ACADM: variants seen among roughly 807,000 people sequenced by gnomAD.
ACADM encodes the protein medium-chain specific acyl-CoA dehydrogenase, mitochondrial.
ACADM carries 49 observed loss-of-function variants against 58.9 expected under a neutral mutation model. The observed-to-expected ratio is 0.83, with a 90% CI of 0.66 to 1.06. The LOEUF is 1.06. ACADM is among the 50% of genes least tolerant of loss of function. The pLI, the probability that ACADM is intolerant of heterozygous loss-of-function variation, is 0.00. For missense variants in ACADM, 496 were observed against 507.0 expected, an observed-to-expected ratio of 0.98 and a Z score of 0.21; for synonymous variants, 160 against 157.7, an observed-to-expected ratio of 1.01 and a Z score of -0.11.
chr1:75,725,264 C>A (rs994905023), intron 1 of ACADM, among the ~76,000 whole-genome samples: 9 of 63,832 alleles, frequency 1.4e-4, no homozygotes, highest in Non-Finnish European at 2.3e-4. Context: ...AAAAAAAAAA[C>A]CTGCAGAATT....
At chr1:75,744,216 G>A in intron 7 of ACADM, 1 of 1,573,124 alleles carries the variant, frequency 6.4e-7, no homozygotes, top group Non-Finnish European at 8.8e-7. Context: ...GAGGGCGAGG[G>A]CACTGGTGGC....
intron 6 of ACADM, among the ~76,000 whole-genome samples, chr1:75,739,168 G>T (rs756747235): frequency 6.6e-6 from 1 of 151,892 alleles, no homozygotes; most frequent in Non-Finnish European, 1.5e-5. Context: ...TTCCCTCCTC[G>T]CAAAGAAGCC....
chr1:75,749,900 A>T (rs1051387295), intron 9 of ACADM, among the ~76,000 whole-genome samples: 1 of 151,708 alleles, frequency 6.6e-6, no homozygotes, highest in Admixed American at 6.6e-5. Flanking sequence ...TTTAGTAGAG[A>T]TGGGGTTTCA....
intron 5 of ACADM, among the ~76,000 whole-genome samples, chr1:75,734,160 ATTTTTTTTT>A (rs1160368175): frequency 1.2e-5 from 1 of 84,236 alleles, no homozygotes; most frequent in Non-Finnish European, 2.3e-5. Flanking sequence ...TAATTTTTGT[ATTTTTTTTT>A]TTTTTTTTTT....
At chr1:75,746,414 C>G (rs532518096) in intron 8 of ACADM, among the ~76,000 whole-genome samples, 7 of 151,982 alleles carry the variant, frequency 4.6e-5, no homozygotes, top group Non-Finnish European at 7.4e-5. Context: ...TATGGAAAGG[C>G]AAGAAAATCT....
At chr1:75,729,865 A>G (rs1055407144) in intron 2 of ACADM, among the ~76,000 whole-genome samples, 5 of 143,506 alleles carry the variant, frequency 3.5e-5, no homozygotes, top group South Asian at 2.3e-4. Flanking sequence ...CACTGTGAGG[A>G]TAGCCATTTG....
chr1:75,734,227 G>A (rs1359710606), intron 5 of ACADM, among the ~76,000 whole-genome samples: 2 of 146,662 alleles, frequency 1.4e-5, no homozygotes, highest in Non-Finnish European at 3.0e-5. Flanking sequence ...GCAGTGGCGC[G>A]ATCTCAGCTC....
intron 1 of ACADM, 100 bp from the exon 2 acceptor site, chr1:75,728,300 TG>T: frequency 1.2e-6 from 1 of 862,588 alleles, no homozygotes; most frequent in Non-Finnish European, 1.8e-6. Flanking sequence ...ACTATGAGTA[TG>T]GTCAAACCAG....
rs150710061 is a variant in ACADM, at chr1:75,761,267, T to C, written c.1091T>C (p.Ile364Thr). Residue 364 changes from isoleucine (I) to threonine (T), a missense_variant, in exon 11 of 12, where the codon ATT (isoleucine) becomes ACT (threonine). Ile to Thr is a moderately conservative substitution (Grantham distance 89). Transcript: ENST00000370841. ...ASIAKAFAGD[I>T]ANQLATDAVQ... Reference sequence around the variant, plus strand: ...ATTGCAAAGGCATTTGCTGGAGATATTGCAAATCAGTTAGCTACTGATGCT... The same window carrying C: ...ATTGCAAAGGCATTTGCTGGAGATACTGCAAATCAGTTAGCTACTGATGCT... 4.3e-4 allele frequency: 697 copies of C among 1,614,006 alleles called. 4 individuals are homozygous for C. The highest frequency in any genetic ancestry group is 2.5e-3 in the Middle Eastern group (15 of 6,084).
Position 75,762,258 on chromosome 1 carries a change from A to G in ACADM, c.1195-434A>G, listed in dbSNP as rs969459811. Among the ~76,000 whole-genome samples the G allele has an allele frequency of 7.9e-5, 12 of 151,926 alleles. No homozygotes were observed. The East Asian group carries it at 1.3e-3, about 17-fold the overall frequency. On this transcript the variant is annotated intron_variant, in intron 11 of 11. Transcript: ENST00000370841. ...GTCTGACTCTTGAAATCCTTCCAGC[A>G]TCTTTTTCTTTAGCAACTCTGTTCC...
chr1:75,734,745 TCCAA>T, intron 5 of ACADM, 42 bp from the exon 6 acceptor site: 8 of 1,402,870 alleles, frequency 5.7e-6, no homozygotes, highest in Non-Finnish European at 8.1e-6. Context: ...AATTTACATA[TCCAA>T]TAAAAATGAC....
chr1:75,760,128 GAA>G (rs1238284810), intron 10 of ACADM, among the ~76,000 whole-genome samples: 1 of 150,076 alleles, frequency 6.7e-6, no homozygotes, highest in Non-Finnish European at 1.5e-5. Flanking sequence ...TATTTAAAAA[GAA>G]AAAAAAGAGG....
At chr1:75,735,321 A>AAC (rs1647226649) in intron 6 of ACADM, among the ~76,000 whole-genome samples, 1 of 75,392 alleles carries the variant, frequency 1.3e-5, no homozygotes, top group South Asian at 3.3e-4. Context: ...CCCTGTCTCA[A>AAC]AAAAAAAAAA....
chr1:75,734,549 C>T, intron 5 of ACADM: 1 of 470,488 alleles, frequency 2.1e-6, no homozygotes, highest in Non-Finnish European at 3.9e-6. Flanking sequence ...TAGTGCATTT[C>T]ACTATAGTAG....
Position 75,732,659 on chromosome 1 carries a change from A to AGAAAGAATTTCAAGCTACTGCTC in ACADM, c.136_158dup (p.Phe55AsnfsTer31). ...TTTCCCTTAGAGTTCACCGAACAGC[A>AGAAAGAATTTCAAGCTACTGCTC]GAAAGAATTTCAAGCTACTGCTCGT... On this transcript the variant is annotated frameshift_variant, in exon 3 of 12. Transcript: ENST00000370841. LOFTEE classifies it high-confidence loss of function. 1 of 1,613,920 alleles carries AGAAAGAATTTCAAGCTACTGCTC rather than the reference A, an allele frequency of 6.2e-7. No individual in the cohort carries two copies. Among genetic ancestry groups the AGAAAGAATTTCAAGCTACTGCTC allele is most frequent in the Non-Finnish European group, 8.5e-7 (1 of 1,179,834 alleles).
intron 2 of ACADM, among the ~76,000 whole-genome samples, 184 bp downstream of exon 2, chr1:75,728,672 A>ACACTG (rs1647094066): frequency 6.6e-6 from 1 of 152,230 alleles, no homozygotes; most frequent in Non-Finnish European, 1.5e-5. Context: ...CTTCCTCAGT[A>ACACTG]TACTACACTG....
chr1:75,745,509 C>A, intron 7 of ACADM: 1 of 281,342 alleles, frequency 3.6e-6, no homozygotes, highest in South Asian at 4.5e-5. Context: ...ATGTAAATGT[C>A]CTCTTTGTCT....
intron 2 of ACADM, among the ~76,000 whole-genome samples, chr1:75,731,268 GACTCCGTCTCAAAAAAAAA>G (rs1224141839): frequency 9.4e-6 from 1 of 106,160 alleles, no homozygotes; most frequent in Non-Finnish European, 1.7e-5. Flanking sequence ...GACAGAGCGA[GACTCCGTCTCAAAAAAAAA>G]AAAAAAAAAA....
chr1:75,743,399 T>C, intron 7 of ACADM: 1 of 1,605,912 alleles, frequency 6.2e-7, no homozygotes, highest in Non-Finnish European at 8.5e-7. Context: ...GATCAATTTG[T>C]AGGGTGTGTG....
Sources: allele counts gnomAD v4.1 joint callset (sites outside exome capture counted in the v4.1 genomes callset), GRCh38; gene constraint gnomAD v4.1.1; transcripts MANE v1.5; gene names NCBI Gene and HGNC (gene_info 2026-07-23, HGNC 2026-07-21).